STAT5B: variants seen among roughly 807,000 people sequenced by gnomAD.
The protein encoded by STAT5B is transcription factor STAT5B.
A neutral mutation model predicts 107.8 loss-of-function variants in STAT5B; 21 were observed. That is an observed-to-expected ratio of 0.19 (90% confidence interval 0.14 to 0.28). The LOEUF (loss-of-function observed/expected upper bound fraction) is 0.28. Among genes scored for constraint, STAT5B ranks in the 10% least tolerant of loss-of-function variants. The pLI is 1.00. For synonymous variants in STAT5B, 325 were observed against 401.7 expected (o/e 0.81, Z 2.28); for missense variants, 565 against 1,008.2 (o/e 0.56, Z 5.95).
At position 42,214,716 on chromosome 17, in the gene STAT5B, A is replaced by G. The variant is rs78513659; in HGVS notation, c.1473+1298T>C. The G allele has an allele frequency of 2.8e-3, 2,485 of 891,540 alleles. 48 individuals carry two copies. In the African/African-American group the frequency reaches 0.043, roughly 15 times the overall value. The allele number at this position is 891,540 out of a possible 1,614,324, so 55.2% of individuals were successfully genotyped here. A position where few individuals can be genotyped will look rare whatever the true frequency, so the allele number is the denominator to read the frequency against. ...ATCATGCTTTTATGGACTAATCTCT[A>G]TTGGAAATATGTAACAAATGACCTT... On this transcript the variant is annotated intron_variant, in intron 12 of 18. Coordinates refer to ENST00000293328, the MANE Select transcript of STAT5B (RefSeq NM_012448.4).
intron 1 of STAT5B, among the ~76,000 whole-genome samples, chr17:42,238,869 G>C (rs2080378887): frequency 6.6e-6 from 1 of 151,494 alleles, no homozygotes; most frequent in Admixed American, 6.6e-5. Context: ...TTGAATGAAA[G>C]AATGGAGAAT....
rs2080040715 is a variant in STAT5B, at chr17:42,201,190, G to A, written c.*548C>T. The A allele has an allele frequency of 4.8e-6, 2 of 414,826 alleles. No homozygotes were observed. Among genetic ancestry groups the A allele is most frequent in the Non-Finnish European group, 8.5e-6 (2 of 235,306 alleles). The allele number at this position is 414,826 out of a possible 1,614,324, so 25.7% of individuals were successfully genotyped here. On this transcript the variant is annotated 3_prime_UTR_variant, in exon 19 of 19. Coordinates refer to ENST00000293328, the MANE Select transcript of STAT5B (RefSeq NM_012448.4). ...ATTCCTACCCAAGAACACAGGGGTG[G>A]GGGAGAGGGAAGGCTCTCTTTGTCA...
chr17:42,206,046 A>T (rs2080082689), intron 16 of STAT5B, among the ~76,000 whole-genome samples: 1 of 152,120 alleles, frequency 6.6e-6, no homozygotes, highest in Non-Finnish European at 1.5e-5. Flanking sequence ...CAGGGCGCCC[A>T]TCACTAAATT....
chr17:42,237,172 C>A, intron 1 of STAT5B, among the ~76,000 whole-genome samples: 1 of 152,222 alleles, frequency 6.6e-6, no homozygotes. Context: ...AAAGCACCTA[C>A]CTCAACCTTA....
intron 1 of STAT5B, among the ~76,000 whole-genome samples, chr17:42,268,376 A>G (rs1380388664): frequency 6.6e-6 from 1 of 152,154 alleles, no homozygotes; most frequent in African/African-American, 2.4e-5. Flanking sequence ...CATACAGCCT[A>G]GGTGTGCAGT....
At chr17:42,277,295 G>T (rs1347040550), upstream of STAT5B, among the ~76,000 whole-genome samples, 8 of 152,116 alleles carry the variant, frequency 5.3e-5, no homozygotes, top group Admixed American at 5.2e-4. Flanking sequence ...ACATAGGAAA[G>T]CTCCAGAAGC....
intron 2 of STAT5B, among the ~76,000 whole-genome samples, chr17:42,229,294 C>T (rs1167314210): frequency 1.3e-5 from 2 of 151,902 alleles, no homozygotes; most frequent in African/African-American, 4.8e-5. Context: ...GAATTACAGG[C>T]GTGCACCACC....
At chr17:42,207,486 T>TGC (rs202125146) in intron 16 of STAT5B, 72 bp downstream of exon 16, 33 of 1,339,598 alleles carry the variant, frequency 2.5e-5, no homozygotes, top group Non-Finnish European at 2.9e-5. Flanking sequence ...CACGCAGGTA[T>TGC]GCACACACAC....
intron 7 of STAT5B, 52 bp from the exon 8 acceptor site, chr17:42,218,930 C>G: frequency 1.2e-6 from 2 of 1,613,568 alleles, no homozygotes; most frequent in Non-Finnish European, 1.7e-6. Context: ...TCCGCACAGA[C>G]GCCAGGCCCC....
intron 2 of STAT5B, 88 bp downstream of exon 2, chr17:42,231,912 T>G: frequency 1.3e-6 from 2 of 1,580,690 alleles, no homozygotes; most frequent in Non-Finnish European, 1.7e-6. Flanking sequence ...AATACAACTT[T>G]GAAAGTTGCC....
rs911143082 is a variant in STAT5B at position 42,218,949 on chromosome 17, G to A, written c.834-71C>T. 1.7e-5 allele frequency: 27 copies of A among 1,612,550 alleles called. 1 individual carries two copies. Among genetic ancestry groups the A allele is most frequent in the Admixed American group, 1.2e-4 (7 of 59,976 alleles). ...CACAGACGCCAGGCCCCAAGACACAGCTCCCGTTCCCCCAGGAAGGCTCTG... is the reference window on the plus strand; with the variant it reads ...CACAGACGCCAGGCCCCAAGACACAACTCCCGTTCCCCCAGGAAGGCTCTG... On this transcript the variant is annotated intron_variant, in intron 7 of 18. Transcript: ENST00000293328.
intron 4 of STAT5B, 26 bp downstream of exon 4, chr17:42,224,753 C>T: frequency 3.1e-6 from 5 of 1,612,272 alleles, no homozygotes; most frequent in Non-Finnish European, 4.2e-6. Flanking sequence ...TCCCGACTGC[C>T]CTCCCCATCC....
chr17:42,201,047 G>C lies in STAT5B; in HGVS notation c.*691C>G. On this transcript the variant is annotated 3_prime_UTR_variant, in exon 19 of 19. Transcript: ENST00000293328. ...AATTCCAGGGTGCGGGCGGGCAGGA[G>C]GGGAGAGAGGACAAAGAGAGAATAA... 1 of 400,992 alleles carries C rather than the reference G, an allele frequency of 2.5e-6. No individual in the cohort carries two copies. Among genetic ancestry groups the C allele is most frequent in the Non-Finnish European group, 4.4e-6 (1 of 227,552 alleles). The allele number at this position is 400,992 out of a possible 1,614,324, so 24.8% of individuals were successfully genotyped here.
chr17:42,240,067 G>A (rs2080389896), intron 1 of STAT5B, among the ~76,000 whole-genome samples: 1 of 152,242 alleles, frequency 6.6e-6, no homozygotes. Context: ...CTGGGAGGTG[G>A]AGGTTGCAGT....
intron 12 of STAT5B, among the ~76,000 whole-genome samples, chr17:42,213,500 C>G (rs1031677568): frequency 6.6e-6 from 1 of 151,856 alleles, no homozygotes; most frequent in Non-Finnish European, 1.5e-5. Flanking sequence ...AACCACTGTG[C>G]CTGGCCACAA....
chr17:42,282,065 G>A, the STAT5B span, among the ~76,000 whole-genome samples: 6 of 152,188 alleles, frequency 3.9e-5, no homozygotes, highest in Non-Finnish European at 7.3e-5. Flanking sequence ...GGGAACCATG[G>A]TGGGGGTGGT....
intron 15 of STAT5B, among the ~76,000 whole-genome samples, chr17:42,209,501 G>A (rs1475627112): frequency 1.3e-5 from 2 of 152,202 alleles, no homozygotes; most frequent in African/African-American, 4.8e-5. Flanking sequence ...CAAAGTGGGG[G>A]ATTGTTTGAG....
At chr17:42,211,506 CA>C (rs533078233) in intron 13 of STAT5B, among the ~76,000 whole-genome samples, 102 of 140,418 alleles carry the variant, frequency 7.3e-4, no homozygotes, top group South Asian at 9.0e-4. Context: ...AACTCTGTCT[CA>C]AAAAAAAAAA....
chr17:42,228,749 C>T lies in STAT5B; in HGVS notation c.129-1064G>A, dbSNP rs533975477. ...GAGTTGGAGATCAGCCTGGGCAACA[C>T]GGTGAAACCCCATCTCTACTAAAAC... On this transcript the variant is annotated intron_variant, in intron 2 of 18. Transcript: ENST00000293328. Among the ~76,000 whole-genome samples the T allele has an allele frequency of 1.0e-3, 158 of 152,154 alleles. 1 individual carries two copies. Among genetic ancestry groups the T allele is most frequent in the African/African-American group, 3.4e-3 (142 of 41,504 alleles).
Sources: allele counts gnomAD v4.1 joint callset (sites outside exome capture counted in the v4.1 genomes callset), GRCh38; gene constraint gnomAD v4.1.1; transcripts MANE v1.5; gene names NCBI Gene and HGNC (gene_info 2026-07-23, HGNC 2026-07-21).